LYPD6: variants seen among roughly 807,000 people sequenced by gnomAD.
LYPD6 encodes LY6/PLAUR domain containing 6, also known as ly6/PLAUR domain-containing protein 6.
Under a neutral mutation model 22.7 loss-of-function variants are expected in LYPD6, and 15 were observed. That is an observed-to-expected ratio of 0.66 (90% CI 0.44 to 1.02). The LOEUF is 1.02. Ranked by LOEUF, LYPD6 falls within the 50% of genes least tolerant of loss-of-function variation. The pLI is 0.00. For synonymous variants in LYPD6, 72 were observed against 77.5 expected (o/e 0.93, Z 0.37); for missense variants, 189 against 208.4 (o/e 0.91, Z 0.57).
intron 1 of LYPD6, among the ~76,000 whole-genome samples, chr2:149,381,389 TGAC>T (rs1432289371): frequency 5.3e-5 from 8 of 152,116 alleles, no homozygotes; most frequent in Non-Finnish European, 1.2e-4. Flanking sequence ...TGGGGTCTGT[TGAC>T]GAGGTGGCCC....
At chr2:149,465,667 A>C (rs1275810741) in intron 3 of LYPD6, among the ~76,000 whole-genome samples, 1 of 152,194 alleles carries the variant, frequency 6.6e-6, no homozygotes, top group African/African-American at 2.4e-5. Context: ...CTGTTATTAA[A>C]AACAATATTG....
At chr2:149,338,794 A>T (rs1681105373) in intron 1 of LYPD6, among the ~76,000 whole-genome samples, 1 of 152,210 alleles carries the variant, frequency 6.6e-6, no homozygotes, top group Non-Finnish European at 1.5e-5. Context: ...GTCATTGTAG[A>T]TTGTTCTCCA....
chr2:149,345,649 T>C (rs1681241807), intron 1 of LYPD6, among the ~76,000 whole-genome samples: 2 of 152,054 alleles, frequency 1.3e-5, no homozygotes, highest in African/African-American at 4.8e-5. Flanking sequence ...TGTCAAATTT[T>C]CTGGTATTTG....
At chr2:149,436,547 C>G (rs192893125) in intron 1 of LYPD6, among the ~76,000 whole-genome samples, 32 of 152,160 alleles carry the variant, frequency 2.1e-4, no homozygotes, top group African/African-American at 7.2e-4. Flanking sequence ...ATAGTAATCA[C>G]TTAGTGCTAT....
intron 1 of LYPD6, among the ~76,000 whole-genome samples, chr2:149,375,295 T>G (rs1681892369): frequency 6.6e-6 from 1 of 152,218 alleles, no homozygotes; most frequent in African/African-American, 2.4e-5. Flanking sequence ...GGTATCAAAC[T>G]AATTGTAATG....
intron 1 of LYPD6, among the ~76,000 whole-genome samples, chr2:149,402,852 G>A (rs1682592935): frequency 6.6e-6 from 1 of 150,618 alleles, no homozygotes; most frequent in South Asian, 2.1e-4. Flanking sequence ...TTAGCATTAG[G>A]TATATCTCCT....
At chr2:149,461,516 G>A (rs1420961413) in intron 3 of LYPD6, among the ~76,000 whole-genome samples, 1 of 151,612 alleles carries the variant, frequency 6.6e-6, no homozygotes, top group African/African-American at 2.4e-5. Flanking sequence ...GAAGAGAAGG[G>A]GGAATACTCA....
chr2:149,417,632 T>G (rs1186229687), intron 1 of LYPD6, among the ~76,000 whole-genome samples: 2 of 152,132 alleles, frequency 1.3e-5, no homozygotes, highest in Non-Finnish European at 2.9e-5. Context: ...TGTGTTAAAT[T>G]TTTGATGCTG....
At chr2:149,374,678 A>G (rs1559129105) in intron 1 of LYPD6, among the ~76,000 whole-genome samples, 1 of 152,222 alleles carries the variant, frequency 6.6e-6, no homozygotes, top group African/African-American at 2.4e-5. Flanking sequence ...CGGAAAGTCC[A>G]GTCTATAGTA....
intron 1 of LYPD6, among the ~76,000 whole-genome samples, chr2:149,337,164 G>C (rs1393413169): frequency 6.6e-6 from 1 of 152,238 alleles, no homozygotes; most frequent in South Asian, 2.1e-4. Flanking sequence ...TTTCCTTTCT[G>C]ACTGTGTAGT....
intron 1 of LYPD6, among the ~76,000 whole-genome samples, chr2:149,345,472 ATTTTT>A (rs60780602): frequency 7.5e-6 from 1 of 133,780 alleles, no homozygotes; most frequent in Non-Finnish European, 1.6e-5. Flanking sequence ...ACACCTGGCT[ATTTTT>A]TTTTTTTTTT....
chr2:149,419,911 A>G (rs1273879082), intron 1 of LYPD6, among the ~76,000 whole-genome samples: 1 of 152,124 alleles, frequency 6.6e-6, no homozygotes, highest in Non-Finnish European at 1.5e-5. Context: ...AACTACAGAA[A>G]TTGTATGGTT....
downstream of LYPD6, among the ~76,000 whole-genome samples, chr2:149,477,883 G>A (rs1003108849): frequency 3.9e-5 from 6 of 152,132 alleles, no homozygotes; most frequent in African/African-American, 1.4e-4. Context: ...AAAAGGTCAC[G>A]GATGTGGACT....
chr2:149,437,862 T>C (rs1255060702), intron 2 of LYPD6, 36 bp downstream of exon 2: 1 of 1,608,854 alleles, frequency 6.2e-7, no homozygotes, highest in Non-Finnish European at 8.5e-7. Flanking sequence ...AATATCACTT[T>C]ATTTCAAATA....
chr2:149,402,589 T>A (rs1344549125), intron 1 of LYPD6, among the ~76,000 whole-genome samples: 1 of 152,170 alleles, frequency 6.6e-6, no homozygotes, highest in Non-Finnish European at 1.5e-5. Context: ...AGGAGTGAGT[T>A]GGTATTATAT....
intron 1 of LYPD6, among the ~76,000 whole-genome samples, chr2:149,417,212 A>G (rs73964421): frequency 0.018 from 2,804 of 152,310 alleles, 97 homozygotes; most frequent in African/African-American, 0.064. Context: ...TTACTCTTCT[A>G]CTGCAGATGA....
intron 1 of LYPD6, among the ~76,000 whole-genome samples, chr2:149,348,477 G>T (rs2105056324): frequency 6.6e-6 from 1 of 152,334 alleles, no homozygotes; most frequent in African/African-American, 2.4e-5. Flanking sequence ...ACCTGGACCA[G>T]CTAAGGGAGA....
chr2:149,335,834 A>G (rs1379039254), intron 1 of LYPD6, among the ~76,000 whole-genome samples: 1 of 152,224 alleles, frequency 6.6e-6, no homozygotes, highest in African/African-American at 2.4e-5. Flanking sequence ...TATTTAGTGC[A>G]GTAACATACT....
chr2:149,364,518 C>T (rs1293477862), intron 1 of LYPD6, among the ~76,000 whole-genome samples: 2 of 151,538 alleles, frequency 1.3e-5, no homozygotes, highest in African/African-American at 2.4e-5. Context: ...GATATTCCCG[C>T]CCATGACATG....
Sources: allele counts gnomAD v4.1 joint callset (sites outside exome capture counted in the v4.1 genomes callset), GRCh38; gene constraint gnomAD v4.1.1; transcripts MANE v1.5; gene names NCBI Gene and HGNC (gene_info 2026-07-23, HGNC 2026-07-21).